Variants in NBEA observed in about 807,000 individuals in gnomAD.
NBEA encodes neurobeachin.
Under a neutral mutation model 343.4 loss-of-function variants are expected in NBEA, and 44 were observed. The ratio of observed to expected loss-of-function variants is 0.13; its 90% CI spans 0.10 to 0.16. The LOEUF is 0.16. Ranked by LOEUF, NBEA falls within the 10% of genes least tolerant of loss-of-function variation. The probability of loss-of-function intolerance (pLI) is 1.00; values close to 1 mark genes in which losing one functional copy is unlikely to be tolerated. For synonymous variants in NBEA, 1,175 were observed against 1,238.7 expected, an observed-to-expected ratio of 0.95 and a Z score of 1.08; for missense variants, 2,555 against 3,631.3, an observed-to-expected ratio of 0.70 and a Z score of 7.62.
chr13:35,422,092 G>GTTTTTTTTTTTT (rs566959976), intron 38 of NBEA, among the ~76,000 whole-genome samples: 1 of 93,144 alleles, frequency 1.1e-5, no homozygotes, highest in Non-Finnish European at 2.0e-5. Context: ...TTGTTTGTTT[G>GTTTTTTTTTTTT]TTTTTTTTTT....
chr13:35,149,425 T>C (rs2068636108), intron 18 of NBEA, among the ~76,000 whole-genome samples: 1 of 152,114 alleles, frequency 6.6e-6, no homozygotes, highest in South Asian at 2.1e-4. Flanking sequence ...AAACTAAGAC[T>C]CACAGGTTAA....
chr13:35,578,067 A>T (rs1357442521), intron 45 of NBEA, among the ~76,000 whole-genome samples: 5 of 152,172 alleles, frequency 3.3e-5, no homozygotes, highest in African/African-American at 1.2e-4. Context: ...AAAAGATAAC[A>T]CGATAACTTA....
At chr13:35,629,316 A>G (rs930438048) in intron 49 of NBEA, among the ~76,000 whole-genome samples, 1 of 152,142 alleles carries the variant, frequency 6.6e-6, no homozygotes. Context: ...CTTATTTTTT[A>G]TTTTAAAGGT....
intron 38 of NBEA, among the ~76,000 whole-genome samples, chr13:35,381,134 C>T (rs2041991924): frequency 6.6e-6 from 1 of 152,094 alleles, no homozygotes; most frequent in African/African-American, 2.4e-5. Context: ...AATGACTTTT[C>T]AGACTGTAAA....
At chr13:35,597,342 C>T (rs573399617) in intron 47 of NBEA, among the ~76,000 whole-genome samples, 23 of 152,180 alleles carry the variant, frequency 1.5e-4, no homozygotes, top group Non-Finnish European at 3.1e-4. Flanking sequence ...TTGGTGTTTT[C>T]CTGCACTGTT....
chr13:35,082,385 C>CA (rs1228537338), intron 10 of NBEA, among the ~76,000 whole-genome samples: 1 of 152,106 alleles, frequency 6.6e-6, no homozygotes, highest in Non-Finnish European at 1.5e-5. Context: ...CATATGTGTG[C>CA]ATGTGTCTTT....
intron 41 of NBEA, among the ~76,000 whole-genome samples, chr13:35,526,479 C>G (rs139745728): frequency 8.2e-4 from 125 of 152,282 alleles, no homozygotes; most frequent in African/African-American, 2.8e-3. Flanking sequence ...AAACCCGTCT[C>G]TACTAAAAAT....
chr13:35,502,073 G>T (rs867165234), intron 41 of NBEA, among the ~76,000 whole-genome samples: 2 of 152,090 alleles, frequency 1.3e-5, no homozygotes, highest in African/African-American at 4.8e-5. Flanking sequence ...CTTGCCTGCC[G>T]GGGCTTTAGT....
chr13:35,320,478 T>C (rs1338431993), intron 36 of NBEA, among the ~76,000 whole-genome samples: 1 of 152,232 alleles, frequency 6.6e-6, no homozygotes, highest in Non-Finnish European at 1.5e-5. Context: ...GTTAGTCTGA[T>C]GGGGTTCCCC....
In NBEA at chr13:35,209,301, G is replaced by GC. The variant is rs2073608331; in HGVS notation, c.5521+448dup. On this transcript the variant is annotated intron_variant, in intron 32 of 58. Transcript: ENST00000379939. ...TGCTAAATCCCCTAAGGGAGGCAGA[G>GC]CTCCCCTAAGAACCTTGACGATATG... Among the ~76,000 whole-genome samples, 6 of 152,254 alleles carry GC rather than the reference G, an allele frequency of 3.9e-5. No individual in the cohort carries two copies. The South Asian group carries it at 1.2e-3, about 32-fold the overall frequency.
chr13:35,070,950 G>A, intron 10 of NBEA, 98 bp downstream of exon 10: 1 of 1,330,742 alleles, frequency 7.5e-7, no homozygotes, highest in Non-Finnish European at 9.8e-7. Context: ...CAGTATTTGG[G>A]TTCTGCCCTT....
intron 41 of NBEA, among the ~76,000 whole-genome samples, chr13:35,502,783 C>T (rs926809286): frequency 1.3e-5 from 2 of 151,996 alleles, no homozygotes; most frequent in African/African-American, 2.4e-5. Context: ...TGATACAGTA[C>T]GTGGGATTTG....
At chr13:35,610,468 G>T (rs1375571228) in intron 48 of NBEA, among the ~76,000 whole-genome samples, 1 of 151,518 alleles carries the variant, frequency 6.6e-6, no homozygotes, top group Non-Finnish European at 1.5e-5. Context: ...GGAAAAATTG[G>T]TGCTAGAAGA....
Position 35,182,323 on chromosome 13 carries a change from A to C in NBEA, c.4663-37A>C, listed in dbSNP as rs1015237013. 2.6e-6 allele frequency: 4 copies of C among 1,558,600 alleles called. No individual in the cohort carries two copies. In the African/African-American group the frequency reaches 5.6e-5, roughly 22 times the overall value. ...TGCTTTAAGAACTTATACTTCAAAA[A>C]GTTTGAGTGTTAAAACTGTCTTTTC... On this transcript the variant is annotated intron_variant, in intron 28 of 58. Coordinates refer to ENST00000379939, the MANE Select transcript of NBEA (RefSeq NM_001385012.1).
At chr13:35,339,713 T>C (rs2152855675) in intron 36 of NBEA, among the ~76,000 whole-genome samples, 1 of 152,158 alleles carries the variant, frequency 6.6e-6, no homozygotes, top group South Asian at 2.1e-4. Flanking sequence ...GGGGCAGGCA[T>C]GTCTTACATG....
At chr13:35,560,302 T>C (rs964667299) in intron 44 of NBEA, among the ~76,000 whole-genome samples, 9 of 152,220 alleles carry the variant, frequency 5.9e-5, no homozygotes, top group Non-Finnish European at 7.3e-5. Flanking sequence ...CTTTAACTTA[T>C]TAGCTGCTTT....
At chr13:35,434,735 A>G (rs549916131) in intron 39 of NBEA, among the ~76,000 whole-genome samples, 3 of 152,362 alleles carry the variant, frequency 2.0e-5, no homozygotes, top group South Asian at 2.1e-4. Context: ...ATCTATACGT[A>G]GAAGTAGAGG....
At chr13:35,172,145 T>TC (rs2070510307) in intron 26 of NBEA, among the ~76,000 whole-genome samples, 2 of 152,044 alleles carry the variant, frequency 1.3e-5, no homozygotes, top group Admixed American at 6.6e-5. Flanking sequence ...GGAAGGACGT[T>TC]CCTGATATGT....
chr13:35,171,226 A>G (rs1160840545), intron 25 of NBEA, 46 bp from the exon 26 acceptor site: 3 of 1,534,702 alleles, frequency 2.0e-6, no homozygotes, highest in African/African-American at 1.4e-5. Flanking sequence ...TATATTTCCA[A>G]ATTTCCAAAT....
Sources: allele counts gnomAD v4.1 joint callset (sites outside exome capture counted in the v4.1 genomes callset), GRCh38; gene constraint gnomAD v4.1.1; transcripts MANE v1.5; gene names NCBI Gene and HGNC (gene_info 2026-07-23, HGNC 2026-07-21).